Variants in TBC1D23 observed in about 807,000 individuals in gnomAD.
The protein encoded by TBC1D23 is HCV non-structural protein 4A-transactivated protein 1.
TBC1D23 carries 55 observed loss-of-function variants against 91.4 expected under a neutral mutation model. That is an observed-to-expected ratio of 0.60 (90% CI 0.48 to 0.75). TBC1D23 has a LOEUF of 0.75. Ranked by LOEUF, TBC1D23 falls within the 30% of genes least tolerant of loss-of-function variation. TBC1D23 has a pLI of 0.00. For synonymous variants in TBC1D23, 289 were observed against 281.0 expected (o/e 1.03, Z -0.28); for missense variants, 725 against 836.1 (o/e 0.87, Z 1.64).
intron 1 of TBC1D23, among the ~76,000 whole-genome samples, chr3:100,273,345 CAGA>C (rs1014935164): frequency 6.6e-6 from 1 of 152,154 alleles, no homozygotes; most frequent in African/African-American, 2.4e-5. Context: ...CATCTCAAGG[CAGA>C]AGAATTTTTC....
intron 4 of TBC1D23, among the ~76,000 whole-genome samples, chr3:100,288,929 T>A (rs1175958184): frequency 6.6e-6 from 1 of 152,152 alleles, no homozygotes; most frequent in Non-Finnish European, 1.5e-5. Flanking sequence ...AGTAACTACC[T>A]CTGGCCCGGC....
At position 100,282,551 on chromosome 3, in the gene TBC1D23, C is replaced by G. The variant is rs144893732; in HGVS notation, c.271+704C>G. ...TGTGATTGAATAGGTTTCCAGTCAC[C>G]CCACAACATCTATTTCATTTCACAA... is the stretch of plus-strand genomic sequence containing the variant. On this transcript the variant is annotated intron_variant, in intron 3 of 18. Coordinates refer to ENST00000394144, the MANE Select transcript of TBC1D23 (RefSeq NM_001199198.3). Among the ~76,000 whole-genome samples the G allele has an allele frequency of 4.6e-5, 7 of 152,204 alleles. 1 individual carries two copies. The highest frequency in any genetic ancestry group is 1.7e-4 in the African/African-American group (7 of 41,530).
At chr3:100,304,081 GTTGAT>G (rs1705477355) in intron 11 of TBC1D23, among the ~76,000 whole-genome samples, 1 of 140,878 alleles carries the variant, frequency 7.1e-6, no homozygotes, top group South Asian at 2.4e-4. Flanking sequence ...TTGACATTTG[GTTGAT>G]GTCTTTTAAG....
intron 10 of TBC1D23, 126 bp downstream of exon 10, chr3:100,299,457 T>A (rs940871216): frequency 6.3e-6 from 3 of 473,746 alleles, no homozygotes; most frequent in African/African-American, 2.0e-5. Flanking sequence ...TCTGCCCTTA[T>A]GAGAAAAGTG....
chr3:100,311,026 A>G (rs568527063), intron 14 of TBC1D23, among the ~76,000 whole-genome samples: 42 of 152,368 alleles, frequency 2.8e-4, no homozygotes, highest in African/African-American at 9.6e-4. Flanking sequence ...TGTAAATTAC[A>G]AATGAGGGAC....
At chr3:100,321,848 C>T (rs891928841) in intron 18 of TBC1D23, among the ~76,000 whole-genome samples, 1 of 149,708 alleles carries the variant, frequency 6.7e-6, no homozygotes, top group Non-Finnish European at 1.5e-5. Context: ...AAAAAAATCA[C>T]TTCATTGCTT....
rs2067677724 is a variant in TBC1D23, at chr3:100,279,549, T to A, written c.54-100T>A. Reference sequence around the variant, plus strand: ...CATTTTGGTTGCTGAGAACTTTTGTTTCTTAGACAAGCCTTTAATAGGCCA... The same window carrying A: ...CATTTTGGTTGCTGAGAACTTTTGTATCTTAGACAAGCCTTTAATAGGCCA... On this transcript the variant is annotated intron_variant, in intron 1 of 18. Transcript: ENST00000394144. The A allele has an allele frequency of 1.0e-5, 8 of 762,254 alleles. No homozygotes were observed. The Admixed American group carries it at 1.2e-4, about 11-fold the overall frequency. The allele number at this position is 762,254 out of a possible 1,614,324, so 47.2% of individuals were successfully genotyped here.
At chr3:100,321,493 T>C (rs1060452) in intron 18 of TBC1D23, among the ~76,000 whole-genome samples, 39,084 of 151,964 alleles carry the variant, frequency 0.26, 5,431 homozygotes, top group Non-Finnish European at 0.31. Flanking sequence ...TAGATAAAAA[T>C]ATGAAGCCCA....
intron 14 of TBC1D23, 41 bp downstream of exon 14, chr3:100,310,583 A>C: frequency 4.0e-6 from 6 of 1,482,190 alleles, no homozygotes; most frequent in Non-Finnish European, 5.5e-6. Flanking sequence ...TGAGTAATTA[A>C]AACTAAAGAA....
At chr3:100,278,472 G>A (rs1430144292) in intron 1 of TBC1D23, among the ~76,000 whole-genome samples, 1 of 150,200 alleles carries the variant, frequency 6.7e-6, no homozygotes, top group Non-Finnish European at 1.5e-5. Flanking sequence ...TGCAACCTCC[G>A]CCTCCTGGGT....
chr3:100,320,077 T>C (rs983839538), intron 17 of TBC1D23, among the ~76,000 whole-genome samples: 1 of 152,188 alleles, frequency 6.6e-6, no homozygotes, highest in African/African-American at 2.4e-5. Context: ...TTGTCTGTTA[T>C]GTGTCTTTAG....
intron 1 of TBC1D23, among the ~76,000 whole-genome samples, chr3:100,266,137 G>A (rs1576155069): frequency 6.6e-6 from 1 of 152,156 alleles, no homozygotes; most frequent in East Asian, 1.9e-4. Context: ...TTGAATTGGG[G>A]TTATGATGTG....
chr3:100,271,996 G>A (rs184141105), intron 1 of TBC1D23, among the ~76,000 whole-genome samples: 5 of 152,276 alleles, frequency 3.3e-5, no homozygotes, highest in South Asian at 2.1e-4. Flanking sequence ...CTTTTCTAAC[G>A]AATCCATGCC....
chr3:100,320,856 C>A lies in TBC1D23; in HGVS notation c.1903C>A (p.Arg635=). 1 of 1,612,786 alleles carries A rather than the reference C, an allele frequency of 6.2e-7. No homozygotes were observed. Among genetic ancestry groups the A allele is most frequent in the South Asian group, 1.1e-5 (1 of 90,988 alleles). The change falls in exon 18 of 19, where the codon CGA becomes AGA. Residue 635 remains arginine, a synonymous_variant. Coordinates refer to ENST00000394144, the MANE Select transcript of TBC1D23 (RefSeq NM_001199198.3). ...GAAAGGATTGGCTTATATACAGTCT[C>A]GACAAGCGCTGAATTCTGTAGTTAA... ...SRKGLAYIQS[R]QALNSVVKIT...
At chr3:100,266,324 C>T (rs1365309047) in intron 1 of TBC1D23, among the ~76,000 whole-genome samples, 2 of 151,336 alleles carry the variant, frequency 1.3e-5, no homozygotes, top group African/African-American at 2.4e-5. Context: ...GGCTGGAGTG[C>T]AGTGTGCGAT....
At chr3:100,267,323 C>G (rs2067565284) in intron 1 of TBC1D23, 1 of 391,202 alleles carries the variant, frequency 2.6e-6, no homozygotes, top group South Asian at 1.8e-5. Flanking sequence ...CCACTTAAAC[C>G]TATTTTCTGA....
At chr3:100,294,651 A>G (rs1045427888) in intron 5 of TBC1D23, among the ~76,000 whole-genome samples, 11 of 152,134 alleles carry the variant, frequency 7.2e-5, no homozygotes, top group Non-Finnish European at 1.2e-4. Flanking sequence ...TTAAATTACC[A>G]CGTTTGATCC....
rs528371239 is a variant in TBC1D23 at position 100,293,723 on chromosome 3, GGAATCTCA to G, written c.601-1362_601-1355del. 6.9e-4 allele frequency among the ~76,000 whole-genome samples: 105 copies of G among 152,218 alleles called. 1 individual carries two copies. The highest frequency in any genetic ancestry group is 2.4e-3 in the African/African-American group (99 of 41,530). On this transcript the variant is annotated intron_variant, in intron 5 of 18. Transcript: ENST00000394144. Reference sequence around the variant, plus strand: ...GTGTGATGGCAATTACATGGGCTGTGGAATCTCAGGCTTTTTTCTGTTCCCAACACCAC... The same window carrying G: ...GTGTGATGGCAATTACATGGGCTGTGGGCTTTTTTCTGTTCCCAACACCAC...
At chr3:100,312,050 T>C (rs1346718532) in intron 15 of TBC1D23, among the ~76,000 whole-genome samples, 173 bp downstream of exon 15, 1 of 152,242 alleles carries the variant, frequency 6.6e-6, no homozygotes, top group Admixed American at 6.5e-5. Context: ...ACACTTTTCT[T>C]TTTGTTTTTT....
Sources: gnomAD v4.1 joint callset for allele counts (sites outside exome capture counted in the v4.1 genomes callset) on GRCh38, gnomAD v4.1.1 for gene constraint, MANE v1.5 for transcripts, NCBI Gene and HGNC (gene_info 2026-07-23, HGNC 2026-07-21) for gene names.